Variants in CDH18 observed in about 807,000 individuals in gnomAD.
The protein encoded by CDH18 is cadherin 18, also known as cadherin-18.
In CDH18, 31 loss-of-function variants were observed where a neutral mutation model predicts 67.9. The observed-to-expected ratio is 0.46, with a 90% CI of 0.34 to 0.62. The LOEUF (loss-of-function observed/expected upper bound fraction) is 0.62, where lower values mean the gene tolerates loss of function less well. Among genes scored for constraint, CDH18 ranks in the 20% least tolerant of loss-of-function variants. The pLI, the probability that CDH18 is intolerant of heterozygous loss-of-function variation, is 0.01. For missense variants in CDH18, 890 were observed against 975.5 expected (o/e 0.91, Z 1.17); for synonymous variants, 362 against 347.2 (o/e 1.04, Z -0.48).
intron 12 of CDH18, among the ~76,000 whole-genome samples, chr5:19,480,831 G>C (rs746524860): frequency 6.6e-6 from 1 of 151,954 alleles, no homozygotes; most frequent in African/African-American, 2.4e-5. Context: ...GCTCACTGCA[G>C]CCTCCAACTC....
chr5:19,670,123 T>G (rs771868870), intron 5 of CDH18, among the ~76,000 whole-genome samples: 17 of 147,172 alleles, frequency 1.2e-4, no homozygotes, highest in Non-Finnish European at 2.4e-4. Flanking sequence ...GAAACAATAC[T>G]CATAGAGAAA....
intron 1 of CDH18, among the ~76,000 whole-genome samples, chr5:20,481,496 G>A (rs755417951): frequency 7.2e-5 from 11 of 152,026 alleles, no homozygotes; most frequent in African/African-American, 1.4e-4. Flanking sequence ...AATGTCGTTC[G>A]ACAGCAACAG....
chr5:19,569,987 A>C (rs1360829070), intron 8 of CDH18, among the ~76,000 whole-genome samples: 1 of 152,138 alleles, frequency 6.6e-6, no homozygotes, highest in Non-Finnish European at 1.5e-5. Flanking sequence ...CTTTAAAAAA[A>C]TATTGTCAAT....
chr5:20,025,518 C>T (rs964994996), intron 2 of CDH18, among the ~76,000 whole-genome samples: 3 of 152,106 alleles, frequency 2.0e-5, no homozygotes, highest in African/African-American at 4.8e-5. Flanking sequence ...AAATTAGCTT[C>T]ATATACTTCA....
chr5:20,141,971 G>C (rs1217173852), intron 2 of CDH18, among the ~76,000 whole-genome samples: 1 of 151,788 alleles, frequency 6.6e-6, no homozygotes, highest in Admixed American at 6.6e-5. Context: ...CTATTATATA[G>C]GAAGTTGAAA....
At chr5:20,266,418 G>A (rs1242566830) in intron 1 of CDH18, among the ~76,000 whole-genome samples, 2 of 151,792 alleles carry the variant, frequency 1.3e-5, no homozygotes, top group African/African-American at 4.8e-5. Flanking sequence ...ATGTTTGTTT[G>A]TTTGAGACAG....
intron 2 of CDH18, among the ~76,000 whole-genome samples, chr5:20,187,781 T>C (rs963715259): frequency 3.3e-5 from 5 of 151,894 alleles, no homozygotes; most frequent in Admixed American, 1.3e-4. Context: ...TTATCAGTTT[T>C]ATGAATTGTT....
chr5:19,965,500 G>A (rs1797338753), intron 2 of CDH18, among the ~76,000 whole-genome samples: 1 of 152,164 alleles, frequency 6.6e-6, no homozygotes, highest in African/African-American at 2.4e-5. Context: ...CCCTGATACA[G>A]GAAATGACAA....
chr5:20,312,921 C>A (rs1580728339), intron 1 of CDH18, among the ~76,000 whole-genome samples: 2 of 151,630 alleles, frequency 1.3e-5, no homozygotes, highest in Non-Finnish European at 2.9e-5. Flanking sequence ...TTTTTTATTT[C>A]TTTAAATCCC....
intron 1 of CDH18, among the ~76,000 whole-genome samples, chr5:20,257,356 G>A (rs2126620004): frequency 6.6e-6 from 1 of 152,122 alleles, no homozygotes; most frequent in South Asian, 2.1e-4. Context: ...CTACTCTATG[G>A]AAAATCATGT....
At chr5:19,901,324 A>T (rs1789917539) in intron 2 of CDH18, among the ~76,000 whole-genome samples, 1 of 152,138 alleles carries the variant, frequency 6.6e-6, no homozygotes, top group African/African-American at 2.4e-5. Context: ...GTAACAGAAG[A>T]AAATATATAA....
intron 2 of CDH18, among the ~76,000 whole-genome samples, chr5:20,018,548 T>C (rs74626113): frequency 0.011 from 1,750 of 152,286 alleles, 42 homozygotes; most frequent in African/African-American, 0.04. Flanking sequence ...CAATCTTTGA[T>C]ATTTGGGTGT....
intron 1 of CDH18, among the ~76,000 whole-genome samples, chr5:20,395,247 A>C (rs1745193656): frequency 6.6e-6 from 1 of 152,214 alleles, no homozygotes; most frequent in Non-Finnish European, 1.5e-5. Context: ...ACACCACTGA[A>C]TACTACTCAT....
At chr5:19,825,797 C>A (rs1296820046) in intron 3 of CDH18, among the ~76,000 whole-genome samples, 1 of 152,084 alleles carries the variant, frequency 6.6e-6, no homozygotes, top group Admixed American at 6.5e-5. Flanking sequence ...AAAACTAGTA[C>A]AAGAACTCTA....
chr5:20,083,652 C>A (rs987795445), intron 2 of CDH18, among the ~76,000 whole-genome samples: 2 of 152,110 alleles, frequency 1.3e-5, no homozygotes, highest in African/African-American at 4.8e-5. Flanking sequence ...ATGCCTGTGA[C>A]TGGGCAATTT....
In CDH18 at chr5:20,220,124, C is replaced by T. The variant is rs925893040; in HGVS notation, c.-518+35320G>A. On this transcript the variant is annotated intron_variant, in intron 2 of 14. Transcript: ENST00000507958. Reference sequence around the variant, plus strand: ...ATTCTTCACATAAGTAGAAAAAAATCCTAAAATCTATATGGTATAATAAAT... The same window carrying T: ...ATTCTTCACATAAGTAGAAAAAAATTCTAAAATCTATATGGTATAATAAAT... Among the ~76,000 whole-genome samples, 3 of 151,704 alleles carry T rather than the reference C, an allele frequency of 2.0e-5. No individual in the cohort carries two copies. The South Asian group carries it at 6.2e-4, about 32-fold the overall frequency.
chr5:19,986,988 A>C (rs1030999738), intron 1 of CDH18, among the ~76,000 whole-genome samples: 2 of 152,132 alleles, frequency 1.3e-5, no homozygotes, highest in African/African-American at 4.8e-5. Context: ...TGCATAACAA[A>C]ATCTTCCTCT....
intron 1 of CDH18, among the ~76,000 whole-genome samples, chr5:20,490,799 A>C (rs908894724): frequency 1.3e-5 from 2 of 152,168 alleles, no homozygotes; most frequent in Admixed American, 6.6e-5. Context: ...CTAACCTCCT[A>C]AGGTTCATGT....
At chr5:19,875,552 G>A (rs1030930155) in intron 2 of CDH18, among the ~76,000 whole-genome samples, 1 of 151,840 alleles carries the variant, frequency 6.6e-6, no homozygotes, top group Admixed American at 6.6e-5. Context: ...TTTATGTTTT[G>A]TACCTTCAAA....
Sources: allele counts gnomAD v4.1 joint callset (sites outside exome capture counted in the v4.1 genomes callset), GRCh38; gene constraint gnomAD v4.1.1; transcripts MANE v1.5; gene names NCBI Gene and HGNC (gene_info 2026-07-23, HGNC 2026-07-21).